Variants in ZNF208 observed in about 807,000 individuals in gnomAD.
The protein encoded by ZNF208 is zinc finger protein 95.
In ZNF208, 10 loss-of-function variants were observed where a neutral mutation model predicts 12.1. The ratio of observed to expected loss-of-function variants is 0.83; its 90% CI spans 0.51 to 1.40. The LOEUF is 1.40. Among genes scored for constraint, ZNF208 ranks in the 40% most tolerant of loss-of-function variants. The probability of loss-of-function intolerance (pLI) is 0.00; values close to 1 mark genes in which losing one functional copy is unlikely to be tolerated. For missense variants in ZNF208, 1,652 were observed against 1,485.0 expected, an observed-to-expected ratio of 1.11 and a Z score of -1.85; for synonymous variants, 497 against 488.4, an observed-to-expected ratio of 1.02 and a Z score of -0.23.
At chr19:21,989,863 T>A (rs1970699504) in intron 1 of ZNF208, among the ~76,000 whole-genome samples, 2 of 152,256 alleles carry the variant, frequency 1.3e-5, no homozygotes, top group South Asian at 4.1e-4. Flanking sequence ...ATGTGTTTTT[T>A]GGCTGCATAA....
chr19:21,954,643 A>G (rs1194726236), intron 4 of ZNF208, among the ~76,000 whole-genome samples: 1 of 152,088 alleles, frequency 6.6e-6, no homozygotes, highest in Non-Finnish European at 1.5e-5. Context: ...TTTATCCGAG[A>G]CTAGGATTGC....
At chr19:21,955,254 C>T (rs1369522614) in intron 4 of ZNF208, among the ~76,000 whole-genome samples, 1 of 152,196 alleles carries the variant, frequency 6.6e-6, no homozygotes, top group East Asian at 1.9e-4. Context: ...TCTGGCTGCC[C>T]TCAACATTTT....
chr19:21,954,233 T>C (rs1408050791), intron 4 of ZNF208, among the ~76,000 whole-genome samples: 3 of 152,228 alleles, frequency 2.0e-5, no homozygotes, highest in Non-Finnish European at 4.4e-5. Flanking sequence ...TTCCATTTGC[T>C]GAGGAGTGCT....
intron 4 of ZNF208, among the ~76,000 whole-genome samples, chr19:21,955,897 G>A (rs528396420): frequency 1.3e-5 from 2 of 152,284 alleles, no homozygotes; most frequent in South Asian, 4.1e-4. Context: ...CATTCCTTTG[G>A]AGGAGAAGAG....
At chr19:21,955,832 CA>C (rs1274303345) in intron 4 of ZNF208, among the ~76,000 whole-genome samples, 3 of 152,198 alleles carry the variant, frequency 2.0e-5, no homozygotes, top group African/African-American at 7.2e-5. Context: ...CTTCTTCTCT[CA>C]ACTCGTCAAA....
At position 21,968,640 on chromosome 19, in the gene ZNF208, G is replaced by A. The variant is rs1171436205; in HGVS notation, c.*2551C>T. 3.3e-5 allele frequency: 5 copies of A among 151,934 alleles called. No individual in the cohort carries two copies. Among genetic ancestry groups the A allele is most frequent in the Admixed American group, 6.6e-5 (1 of 15,250 alleles). The allele number at this position is 151,934 out of a possible 1,614,324, so 9.4% of individuals were successfully genotyped here. A position where few individuals can be genotyped will look rare whatever the true frequency, so the allele number is the denominator to read the frequency against. On this transcript the variant is annotated 3_prime_UTR_variant, in exon 4 of 4. Transcript: ENST00000397126. ...CAATATTCACCCAGAATATTGACCTGTACTTTCCTTTTTTTGTGGTGCCTT... is the reference window on the plus strand; with the variant it reads ...CAATATTCACCCAGAATATTGACCTATACTTTCCTTTTTTTGTGGTGCCTT...
chr19:21,973,479 G>T lies in ZNF208; in HGVS notation c.1555C>A (p.His519Asn), dbSNP rs759313424. ...SSNLMEHKRIHTGEKPYKCEE... is the reference protein window; with the variant it reads ...SSNLMEHKRINTGEKPYKCEE... ...CATTTGTAGGGTTTCTCTCCAGTATGAATTCTCTTATGTTCCATAAGGTTT... is the reference window on the plus strand; with the variant it reads ...CATTTGTAGGGTTTCTCTCCAGTATTAATTCTCTTATGTTCCATAAGGTTT... The change falls in exon 4 of 4, where the codon CAT becomes AAT. Residue 519 changes from histidine (H) to asparagine (N), a missense_variant. Transcript: ENST00000397126. 3 of 1,613,008 alleles carry T rather than the reference G, an allele frequency of 1.9e-6. No homozygotes were observed. The highest frequency in any genetic ancestry group is 1.7e-6 in the Non-Finnish European group (2 of 1,179,824).
chr19:21,991,864 C>A (rs1970743374), intron 1 of ZNF208: 1 of 151,168 alleles, frequency 6.6e-6, no homozygotes. Flanking sequence ...ATGTGTACAA[C>A]AAGCTAGAGA....
At position 21,987,286 on chromosome 19, in the gene ZNF208, C is replaced by G. The variant is rs764577302; in HGVS notation, c.156G>C (p.Leu52=). ...CTTTTCCTTCCTCCAGAAAAATGATCAGGTCTGGCTTAAAGGCAGCAATAC... is the reference window on the plus strand; with the variant it reads ...CTTTTCCTTCCTCCAGAAAAATGATGAGGTCTGGCTTAAAGGCAGCAATAC... ...FLGIAAFKPD[L]IIFLEEGKES... The change falls in exon 3 of 4, where the codon CTG becomes CTC. Residue 52 remains leucine, a synonymous_variant. Transcript: ENST00000397126. 1 of 1,612,342 alleles carries G rather than the reference C, an allele frequency of 6.2e-7. No individual in the cohort carries two copies. Among genetic ancestry groups the G allele is most frequent in the Non-Finnish European group, 8.5e-7 (1 of 1,179,344 alleles).
intron 4 of ZNF208, among the ~76,000 whole-genome samples, chr19:21,946,534 C>T (rs1969818215): frequency 6.6e-6 from 1 of 152,210 alleles, no homozygotes; most frequent in African/African-American, 2.4e-5. Context: ...CTTGTGTCCA[C>T]ACTCCTTAAT....
At chr19:21,985,774 G>A (rs1970620602) in intron 3 of ZNF208, among the ~76,000 whole-genome samples, 1 of 151,780 alleles carries the variant, frequency 6.6e-6, no homozygotes, top group South Asian at 2.1e-4. Flanking sequence ...CCTAAGCCAC[G>A]GTTCATGGCC....
Position 21,988,868 on chromosome 19 carries a change from C to T in ZNF208, c.45G>A (p.Leu15=). The T allele has an allele frequency of 1.2e-6, 2 of 1,614,080 alleles. No homozygotes were observed. The highest frequency in any genetic ancestry group is 1.7e-6 in the Non-Finnish European group (2 of 1,179,958). The stretch of plus-strand genomic sequence containing the variant: ...CAGTGTCCAGGCATTGCCACTCCTC[C>T]AGAGAGAATTCTATGGCCACATCCC... ...TFRDVAIEFS[L]EEWQCLDTAQ... The change falls in exon 2 of 4, where the codon CTG becomes CTA. Residue 15 remains leucine, a synonymous_variant. Transcript: ENST00000397126.
rs1970169947 is a variant in ZNF208, at chr19:21,966,478, A to C, written c.*4713T>G. 6.6e-6 allele frequency: 1 copy of C among 152,150 alleles called. No individual in the cohort carries two copies. Among genetic ancestry groups the C allele is most frequent in the South Asian group, 2.1e-4 (1 of 4,836 alleles). 9.4% of individuals were successfully genotyped at this position (152,150 alleles called of 1,614,324 possible). ...GCTGCATAGTATTGGAGGTTGTATA[A>C]GTACATCATTTTTCTTATCCAATAA... On this transcript the variant is annotated 3_prime_UTR_variant, in exon 4 of 4. Transcript: ENST00000397126.
intron 3 of ZNF208, among the ~76,000 whole-genome samples, chr19:21,979,809 A>G (rs1970503331): frequency 6.6e-6 from 1 of 152,330 alleles, no homozygotes; most frequent in South Asian, 2.1e-4. Flanking sequence ...AAGATCCATC[A>G]AAGTGCTGTA....
Position 21,987,303 on chromosome 19 carries a change from C to T in ZNF208, c.139G>A (p.Ala47Thr). 1 of 1,604,966 alleles carries T rather than the reference C, an allele frequency of 6.2e-7. No homozygotes were observed. The highest frequency in any genetic ancestry group is 1.7e-4 in the Middle Eastern group (1 of 6,026). The change falls in exon 3 of 4, where the codon GCC (alanine) becomes ACC (threonine). Residue 47 changes from alanine (A) to threonine (T), a missense_variant. By Grantham distance (58) the Ala-to-Thr change is moderately conservative. This residue lies in a region of ZNF208 where 410 missense variants were observed against 378.2 expected (regional missense o/e 1.08). Transcript: ENST00000397126. ...AAAATGATCAGGTCTGGCTTAAAGG[C>T]AGCAATACCTGTTTTATTAAAAATG... ...YRNLVFLGIA[A>T]FKPDLIIFLE...
At chr19:21,946,056 C>T (rs1204442563) in intron 4 of ZNF208, among the ~76,000 whole-genome samples, 2 of 152,208 alleles carry the variant, frequency 1.3e-5, no homozygotes, top group African/African-American at 4.8e-5. Flanking sequence ...TGGAGCAAGG[C>T]CTGACATAGA....
At chr19:22,006,356 T>C (rs1366506521) in intron 1 of ZNF208, among the ~76,000 whole-genome samples, 1 of 152,208 alleles carries the variant, frequency 6.6e-6, no homozygotes, top group Non-Finnish European at 1.5e-5. Context: ...GTAATACTCC[T>C]TTGGAATTCA....
chr19:21,981,526 T>C (rs937310560), intron 3 of ZNF208, among the ~76,000 whole-genome samples: 1 of 152,102 alleles, frequency 6.6e-6, no homozygotes, highest in Non-Finnish European at 1.5e-5. Flanking sequence ...TGCTAAAAAC[T>C]TGCAATAAAC....
chr19:21,984,378 C>A (rs994336234), intron 3 of ZNF208, among the ~76,000 whole-genome samples: 2 of 152,116 alleles, frequency 1.3e-5, no homozygotes, highest in Non-Finnish European at 2.9e-5. Flanking sequence ...CATGGTGAAA[C>A]CCTGTCTCTA....
Sources: gnomAD v4.1 joint callset for allele counts (sites outside exome capture counted in the v4.1 genomes callset) on GRCh38, gnomAD v4.1.1 for gene constraint, gnomAD v4.1.1 regional missense constraint, MANE v1.5 for transcripts, NCBI Gene and HGNC (gene_info 2026-07-23, HGNC 2026-07-21) for gene names.